The following CYYR1 variants were observed in gnomAD, a reference collection of about 807,000 sequenced individuals.
The protein encoded by CYYR1 is cysteine and tyrosine rich 1, also known as cysteine and tyrosine-rich protein 1.
Under a neutral mutation model 15.2 loss-of-function variants are expected in CYYR1, and 14 were observed. The ratio of observed to expected loss-of-function variants is 0.92; its 90% CI spans 0.61 to 1.44. CYYR1 has a LOEUF of 1.44. Ranked by LOEUF, CYYR1 falls within the 40% of genes most tolerant of loss-of-function variation. The pLI is 0.00. For synonymous variants in CYYR1, 80 were observed against 77.4 expected, an observed-to-expected ratio of 1.03 and a Z score of -0.18; for missense variants, 228 against 209.5, an observed-to-expected ratio of 1.09 and a Z score of -0.54.
Position 26,566,248 on chromosome 21 carries a change from A to G in CYYR1, c.176+18T>C. 1 of 1,592,654 alleles carries G rather than the reference A, an allele frequency of 6.3e-7. No homozygotes were observed. Among genetic ancestry groups the G allele is most frequent in the Non-Finnish European group, 8.6e-7 (1 of 1,161,012 alleles). On this transcript the variant is annotated intron_variant, in intron 2 of 3. Transcript: ENST00000652641. ...AAGAGGAAGAGCATCAGTATTGCCA[A>G]ATCTGACGAATACTCACGAGAGGAT...
intron 2 of CYYR1, among the ~76,000 whole-genome samples, chr21:26,561,709 TG>T (rs1980215748): frequency 6.6e-6 from 1 of 152,174 alleles, no homozygotes; most frequent in African/African-American, 2.4e-5. Flanking sequence ...AATGGCAAAG[TG>T]GAAAAGCAAA....
intron 3 of CYYR1, among the ~76,000 whole-genome samples, chr21:26,468,842 T>C (rs917936974): frequency 4.6e-5 from 7 of 152,096 alleles, no homozygotes; most frequent in Admixed American, 2.6e-4. Context: ...ACTGGTTGTT[T>C]AGAGAAAGTT....
Position 26,543,034 on chromosome 21 carries a change from C to T in CYYR1, c.176+23232G>A, listed in dbSNP as rs549999024. Among the ~76,000 whole-genome samples the T allele has an allele frequency of 4.6e-5, 7 of 152,328 alleles. No homozygotes were observed. In the South Asian group the frequency reaches 1.5e-3, roughly 32 times the overall value. Reference sequence around the variant, plus strand: ...AATGTTTGTCTGCTATAAAAAGATTCAAGTTAAAGTCTTTAAAAATTCCTT... The same window carrying T: ...AATGTTTGTCTGCTATAAAAAGATTTAAGTTAAAGTCTTTAAAAATTCCTT... On this transcript the variant is annotated intron_variant, in intron 2 of 3. Coordinates refer to ENST00000652641, the MANE Select transcript of CYYR1 (RefSeq NM_001320768.2).
rs1027711481 is a variant in CYYR1, at chr21:26,467,772, A to G, written c.*729T>C. 3.3e-5 allele frequency: 5 copies of G among 152,246 alleles called. No homozygotes were observed. The highest frequency in any genetic ancestry group is 1.2e-4 in the African/African-American group (5 of 41,466). The allele number at this position is 152,246 out of a possible 1,614,324, so 9.4% of individuals were successfully genotyped here. ...TCTTGTTTTAACTCCCTAATTAAAT[A>G]AATAAGATCCAACTCTTTCTGTTGT... On this transcript the variant is annotated 3_prime_UTR_variant, in exon 4 of 4. Transcript: ENST00000652641.
intron 2 of CYYR1, among the ~76,000 whole-genome samples, chr21:26,536,052 T>C (rs1209161566): frequency 6.6e-6 from 1 of 152,108 alleles, no homozygotes; most frequent in East Asian, 1.9e-4. Flanking sequence ...CTTACAACCA[T>C]GGTGAAAGGT....
intron 2 of CYYR1, among the ~76,000 whole-genome samples, chr21:26,560,506 C>G (rs1224719005): frequency 6.6e-6 from 1 of 152,116 alleles, no homozygotes; most frequent in African/African-American, 2.4e-5. Context: ...ATATTTTTGC[C>G]TTTAAAGGCA....
rs534546095 is a variant in CYYR1, at chr21:26,526,563, C to A, written c.176+39703G>T. On this transcript the variant is annotated intron_variant, in intron 2 of 3. Transcript: ENST00000652641. ...TATTCCATGTTAAGATTATGACAAC[C>A]ATTTGAATTATTTTATAAATATGAT... Among the ~76,000 whole-genome samples the A allele has an allele frequency of 1.3e-3, 192 of 152,166 alleles. 1 individual carries two copies. The highest frequency in any genetic ancestry group is 2.1e-3 in the Non-Finnish European group (143 of 68,000).
At chr21:26,561,631 T>C (rs1195386892) in intron 2 of CYYR1, among the ~76,000 whole-genome samples, 1 of 152,156 alleles carries the variant, frequency 6.6e-6, no homozygotes, top group Non-Finnish European at 1.5e-5. Context: ...CTTGGTTTTT[T>C]TTCCTGTGGG....
rs140315407 is a variant in CYYR1 at position 26,519,997 on chromosome 21, C to T, written c.177-39568G>A. ...AATCAACCCAAATGTCCATCAATGACGGATTGGAAAAAGAAAATGTGGTAT... is the reference window on the plus strand; with the variant it reads ...AATCAACCCAAATGTCCATCAATGATGGATTGGAAAAAGAAAATGTGGTAT... On this transcript the variant is annotated intron_variant, in intron 2 of 3. Transcript: ENST00000652641. 1.9e-3 allele frequency among the ~76,000 whole-genome samples: 288 copies of T among 151,070 alleles called. 4 individuals are homozygous for T. Among genetic ancestry groups the T allele is most frequent in the East Asian group, 0.014 (74 of 5,108 alleles).
In CYYR1 at chr21:26,468,996, T is replaced by C. The variant is rs866077689; in HGVS notation, c.335-362A>G. Among the ~76,000 whole-genome samples, 10 of 152,314 alleles carry C rather than the reference T, an allele frequency of 6.6e-5. No individual in the cohort carries two copies. The South Asian group carries it at 8.3e-4, about 13-fold the overall frequency. ...GGGAAAAGACAATGAGGAGTGCGGTTATATCACCATGGTGGGCTCTGAATG... is the reference window on the plus strand; with the variant it reads ...GGGAAAAGACAATGAGGAGTGCGGTCATATCACCATGGTGGGCTCTGAATG... On this transcript the variant is annotated intron_variant, in intron 3 of 3. Transcript: ENST00000652641.
intron 2 of CYYR1, among the ~76,000 whole-genome samples, chr21:26,543,883 G>A (rs947310646): frequency 8.5e-5 from 13 of 152,076 alleles, no homozygotes; most frequent in Admixed American, 7.2e-4. Context: ...TCCAGCCTGG[G>A]CTACAGAGTG....
At chr21:26,485,165 G>T (rs1439958654) in intron 2 of CYYR1, among the ~76,000 whole-genome samples, 1 of 151,942 alleles carries the variant, frequency 6.6e-6, no homozygotes, top group Admixed American at 6.6e-5. Context: ...GCCTTGCAAG[G>T]TTTGCACATT....
intron 2 of CYYR1, among the ~76,000 whole-genome samples, chr21:26,553,900 G>T (rs1257898838): frequency 6.6e-6 from 1 of 152,164 alleles, no homozygotes; most frequent in African/African-American, 2.4e-5. Flanking sequence ...ACTCATTTTA[G>T]AATTGATAGA....
chr21:26,486,964 A>T (rs2065257420), intron 2 of CYYR1, among the ~76,000 whole-genome samples: 1 of 152,094 alleles, frequency 6.6e-6, no homozygotes, highest in South Asian at 2.1e-4. Flanking sequence ...CATTTTATAA[A>T]ACTATAAATC....
chr21:26,545,794 A>C (rs987102067), intron 2 of CYYR1, among the ~76,000 whole-genome samples: 2 of 151,914 alleles, frequency 1.3e-5, no homozygotes, highest in Non-Finnish European at 2.9e-5. Context: ...CGTGTTAGCC[A>C]GGATGGTCTC....
chr21:26,511,272 T>G (rs1337044543), intron 2 of CYYR1, among the ~76,000 whole-genome samples: 1 of 152,220 alleles, frequency 6.6e-6, no homozygotes, highest in East Asian at 1.9e-4. Context: ...TCTTTACAGT[T>G]CATTTAAAAA....
chr21:26,468,593 A>T lies in CYYR1; in HGVS notation c.376T>A (p.Cys126Ser). Reference protein sequence around the residue: ...PYGHDHEMEYCADLPPPYSPT... With the variant: ...PYGHDHEMEYSADLPPPYSPT... ...GAGTATGGAGGAGGCAAGTCTGCAC[A>T]GTATTCCATCTCGTGGTCGTGACCG... is the stretch of plus-strand genomic sequence containing the variant. Residue 126 changes from cysteine (C) to serine (S), a missense_variant, in exon 4 of 4, where the codon TGT (cysteine) becomes AGT (serine). Transcript: ENST00000652641. 3 of 1,613,120 alleles carry T rather than the reference A, an allele frequency of 1.9e-6. No individual in the cohort carries two copies. Among genetic ancestry groups the T allele is most frequent in the Non-Finnish European group, 2.5e-6 (3 of 1,179,534 alleles).
intron 2 of CYYR1, among the ~76,000 whole-genome samples, chr21:26,488,585 GTGTTT>G (rs939292110): frequency 2.0e-5 from 3 of 152,026 alleles, no homozygotes; most frequent in East Asian, 1.9e-4. Flanking sequence ...CTTAAAGCTA[GTGTTT>G]TGTTTTGTTT....
intron 2 of CYYR1, among the ~76,000 whole-genome samples, chr21:26,536,236 C>A (rs143473535): frequency 2.6e-5 from 4 of 152,200 alleles, no homozygotes; most frequent in Non-Finnish European, 5.9e-5. Context: ...CTGACACATG[C>A]GGATTACAAT....
Sources: allele counts gnomAD v4.1 joint callset (sites outside exome capture counted in the v4.1 genomes callset), GRCh38; gene constraint gnomAD v4.1.1; transcripts MANE v1.5; gene names NCBI Gene and HGNC (gene_info 2026-07-23, HGNC 2026-07-21).